Variants in TMC3 observed in about 807,000 individuals in gnomAD.
TMC3 encodes transmembrane channel like 3.
A neutral mutation model predicts 110.6 loss-of-function variants in TMC3; 98 were observed. That is an observed-to-expected ratio of 0.89 (90% CI 0.75 to 1.05). The LOEUF (loss-of-function observed/expected upper bound fraction) is 1.05. TMC3 is among the 50% of genes least tolerant of loss of function. The probability of loss-of-function intolerance (pLI) is 0.00; values close to 1 mark genes in which losing one functional copy is unlikely to be tolerated. For missense variants in TMC3, 1,319 were observed against 1,373.2 expected (o/e 0.96, Z 0.62); for synonymous variants, 489 against 513.1 (o/e 0.95, Z 0.63).
Position 81,345,016 on chromosome 15 carries a change from G to A in TMC3, c.1273-5C>T. On this transcript the variant is annotated splice_polypyrimidine_tract_variant and splice_region_variant and intron_variant, in intron 12 of 21. Coordinates refer to ENST00000359440, the MANE Select transcript of TMC3 (RefSeq NM_001080532.3). ...GTTATTTTTGGTAGCCATTTCCTGG[G>A]GAGAGAGAGAGAGAGAGAGAGGGAA... 1.4e-6 allele frequency: 2 copies of A among 1,392,144 alleles called. No individual in the cohort carries two copies. Among genetic ancestry groups the A allele is most frequent in the South Asian group, 2.6e-5 (2 of 75,918 alleles). The allele number at this position is 1,392,144 out of a possible 1,614,324, so 86.2% of individuals were successfully genotyped here.
intron 2 of TMC3, among the ~76,000 whole-genome samples, chr15:81,370,894 C>T (rs931838147): frequency 3.3e-5 from 5 of 152,042 alleles, no homozygotes; most frequent in Non-Finnish European, 5.9e-5. Flanking sequence ...AGGTGGGTCT[C>T]GATCTCCTGA....
rs556735383 is a variant in TMC3, at chr15:81,351,874, CA to C, written c.936-34del. On this transcript the variant is annotated intron_variant, in intron 9 of 21. Coordinates refer to ENST00000359440, the MANE Select transcript of TMC3 (RefSeq NM_001080532.3). ...GAGAAACAGGCATGAGAACGGTACACAGGGTCCTGCTCACAGCACCACGATG... is the reference window on the plus strand; with the variant it reads ...GAGAAACAGGCATGAGAACGGTACACGGGTCCTGCTCACAGCACCACGATG... 262 of 1,608,186 alleles carry C rather than the reference CA, an allele frequency of 1.6e-4. 1 individual carries two copies. The East Asian group carries it at 5.6e-3, about 34-fold the overall frequency.
In TMC3 at chr15:81,345,016, GGAGAGA is replaced by G. The variant is rs147678536; in HGVS notation, c.1273-11_1273-6del. On this transcript the variant is annotated splice_region_variant and splice_polypyrimidine_tract_variant and intron_variant, in intron 12 of 21. Coordinates refer to ENST00000359440, the MANE Select transcript of TMC3 (RefSeq NM_001080532.3). The stretch of plus-strand genomic sequence containing the variant: ...GTTATTTTTGGTAGCCATTTCCTGG[GGAGAGA>G]GAGAGAGAGAGAGAGGGAAGCAGGG... 5 of 1,391,906 alleles carry G rather than the reference GGAGAGA, an allele frequency of 3.6e-6. No individual in the cohort carries two copies. Among genetic ancestry groups the G allele is most frequent in the Non-Finnish European group, 2.0e-6 (2 of 1,021,722 alleles). The allele number at this position is 1,391,906 out of a possible 1,614,324, so 86.2% of individuals were successfully genotyped here. A position where few individuals can be genotyped will look rare whatever the true frequency, so the allele number is the denominator to read the frequency against.
intron 20 of TMC3, chr15:81,335,966 C>G (rs1893585045): frequency 6.6e-6 from 1 of 152,290 alleles, no homozygotes; most frequent in African/African-American, 2.4e-5. Context: ...AGGAAGTATA[C>G]AAAAGTGACC....
At chr15:81,341,736 T>C (rs1893721499) in intron 15 of TMC3, 1 of 345,080 alleles carries the variant, frequency 2.9e-6, no homozygotes, top group South Asian at 5.4e-5. Context: ...TTTAAAATAT[T>C]ATATTTGCAA....
Position 81,358,308 on chromosome 15 carries a change from CAG to C in TMC3, c.601-19_601-18del. On this transcript the variant is annotated intron_variant, in intron 6 of 21. Transcript: ENST00000359440. ...GAGGTAGCCCTGCAAAGAAAACACT[CAG>C]TGTCATTTCTGCTTCCCGTTCCCAG... 1 of 1,600,228 alleles carries C rather than the reference CAG, an allele frequency of 6.2e-7. No homozygotes were observed. The highest frequency in any genetic ancestry group is 2.2e-5 in the East Asian group (1 of 44,712).
chr15:81,346,145 C>T (rs1442871060), intron 12 of TMC3, among the ~76,000 whole-genome samples: 1 of 152,224 alleles, frequency 6.6e-6, no homozygotes, highest in Non-Finnish European at 1.5e-5. Flanking sequence ...AGCACCATCA[C>T]TTACTAGTCA....
intron 5 of TMC3, among the ~76,000 whole-genome samples, chr15:81,359,055 T>C (rs1039143297): frequency 6.6e-6 from 1 of 152,212 alleles, no homozygotes; most frequent in African/African-American, 2.4e-5. Flanking sequence ...CAAAATAATT[T>C]ATATAAAATT....
At position 81,339,604 on chromosome 15, in the gene TMC3, C is replaced by T. The variant is rs886969330; in HGVS notation, c.1845-100G>A. 17 of 861,276 alleles carry T rather than the reference C, an allele frequency of 2.0e-5. No homozygotes were observed. In the Admixed American group the frequency reaches 3.5e-4, roughly 18 times the overall value. The allele number at this position is 861,276 out of a possible 1,614,324, so 53.4% of individuals were successfully genotyped here. A position where few individuals can be genotyped will look rare whatever the true frequency, so the allele number is the denominator to read the frequency against. On this transcript the variant is annotated intron_variant, in intron 16 of 21. Transcript: ENST00000359440. ...TGCCACAGAAACGGTTGCCCTGACTCTTTGCAAACTAAAAATCCTCCTCTC... is the reference window on the plus strand; with the variant it reads ...TGCCACAGAAACGGTTGCCCTGACTTTTTGCAAACTAAAAATCCTCCTCTC...
intron 5 of TMC3, among the ~76,000 whole-genome samples, 188 bp downstream of exon 5, chr15:81,359,177 G>A (rs1453642860): frequency 2.6e-5 from 4 of 152,120 alleles, no homozygotes; most frequent in Non-Finnish European, 5.9e-5. Flanking sequence ...TCATTGTGAC[G>A]GACACCAAGT....
At position 81,338,592 on chromosome 15, in the gene TMC3, C is replaced by T; in HGVS notation, c.2081+63G>A. The stretch of plus-strand genomic sequence containing the variant: ...TAAATTTTATGTAATTATTGGAAAG[C>T]AGCGTTTTCTTGTTGGCCAAACACA... On this transcript the variant is annotated intron_variant, in intron 18 of 21. Transcript: ENST00000359440. 8 of 1,582,672 alleles carry T rather than the reference C, an allele frequency of 5.1e-6. No individual in the cohort carries two copies. The South Asian group carries it at 8.1e-5, about 16-fold the overall frequency.
chr15:81,360,619 TCGGGGGAAAGAGCCAGGGAAGGG>T (rs750446546), intron 4 of TMC3, among the ~76,000 whole-genome samples: 8 of 152,080 alleles, frequency 5.3e-5, no homozygotes, highest in Non-Finnish European at 8.8e-5. Context: ...TCAGGGAAGG[TCGGGGGAAAGAGCCAGGGAAGGG>T]CACGATCTTA....
intron 10 of TMC3, among the ~76,000 whole-genome samples, chr15:81,351,189 T>C (rs1009919759): frequency 1.3e-5 from 2 of 152,126 alleles, no homozygotes; most frequent in Admixed American, 6.5e-5. Flanking sequence ...CCAAAGGAGA[T>C]GAATAAAATT....
intron 3 of TMC3, among the ~76,000 whole-genome samples, chr15:81,363,124 G>A (rs1179079166): frequency 1.1e-4 from 16 of 152,044 alleles, no homozygotes; most frequent in African/African-American, 3.1e-4. Context: ...GTGTGGTGGC[G>A]TGCGCCTGTG....
Position 81,332,679 on chromosome 15 carries a change from G to A in TMC3, c.3043C>T (p.Arg1015Ter), listed in dbSNP as rs376608239. Residue 1015 changes from arginine to a stop codon, truncating the protein, a stop_gained, in exon 22 of 22, where the codon CGA (arginine) becomes TGA (stop). Coordinates refer to ENST00000359440, the MANE Select transcript of TMC3 (RefSeq NM_001080532.3). LOFTEE classifies it low-confidence loss of function (END_TRUNC). ...ERPAYVPRKP[R>*]SRNFQYPQPP... The stretch of plus-strand genomic sequence containing the variant: ...TGTGGGTATTGGAAATTCCGGGATC[G>A]TGGCTTTCTGGGCACATAGGCTGGC... 3.1e-6 allele frequency: 5 copies of A among 1,613,998 alleles called. No individual in the cohort carries two copies. The highest frequency in any genetic ancestry group is 2.2e-5 in the East Asian group (1 of 44,878).
In TMC3 at chr15:81,358,338, C is replaced by G. The variant is rs1229679200; in HGVS notation, c.601-47G>C. ...TCATTTCTGCTTCCCGTTCCCAGGT[C>G]TCAGAACTGTGGCCCATTCACCCCT... is the stretch of plus-strand genomic sequence containing the variant. On this transcript the variant is annotated intron_variant, in intron 6 of 21. Coordinates refer to ENST00000359440, the MANE Select transcript of TMC3 (RefSeq NM_001080532.3). 2.5e-6 allele frequency: 4 copies of G among 1,600,702 alleles called. No individual in the cohort carries two copies. The African/African-American group carries it at 5.4e-5, about 21-fold the overall frequency.
chr15:81,332,670 T>G lies in TMC3; in HGVS notation c.3052A>C (p.Asn1018His), dbSNP rs746558502. ...AYVPRKPRSRNFQYPQPPLKP... is the reference protein window; with the variant it reads ...AYVPRKPRSRHFQYPQPPLKP... Reference sequence around the variant, plus strand: ...AGAGGGGGCTGTGGGTATTGGAAATTCCGGGATCGTGGCTTTCTGGGCACA... The same window carrying G: ...AGAGGGGGCTGTGGGTATTGGAAATGCCGGGATCGTGGCTTTCTGGGCACA... The change falls in exon 22 of 22, where the codon AAT becomes CAT. Residue 1018 changes from asparagine to histidine, a missense_variant. Transcript: ENST00000359440. The G allele has an allele frequency of 1.2e-6, 2 of 1,613,970 alleles. No homozygotes were observed. The highest frequency in any genetic ancestry group is 4.5e-5 in the East Asian group (2 of 44,880).
chr15:81,339,889 A>G (rs919976084), intron 16 of TMC3, among the ~76,000 whole-genome samples: 4 of 152,132 alleles, frequency 2.6e-5, no homozygotes, highest in East Asian at 1.9e-4. Flanking sequence ...TCCCTCTCCT[A>G]TTCCCAGGCT....
In TMC3 at chr15:81,372,602, C is replaced by T. The variant is rs773833840; in HGVS notation, c.225G>A (p.Leu75=). The change falls in exon 2 of 22, where the codon CTG becomes CTA. Residue 75 remains leucine, a synonymous_variant. Coordinates refer to ENST00000359440, the MANE Select transcript of TMC3 (RefSeq NM_001080532.3). The part of the protein sequence containing the change: ...RCRPWTMGQK[L]RALRQAKNIV... ...ATTGAGGCCCTTACCTCAATGCCCT[C>T]AGCTTCTGTCCCATAGTCCAGGGTC... The T allele has an allele frequency of 4.3e-6, 7 of 1,613,548 alleles. No homozygotes were observed. The East Asian group carries it at 1.3e-4, about 31-fold the overall frequency.
Sources: gnomAD v4.1 joint callset for allele counts (sites outside exome capture counted in the v4.1 genomes callset) on GRCh38, gnomAD v4.1.1 for gene constraint, MANE v1.5 for transcripts, NCBI Gene and HGNC (gene_info 2026-07-23, HGNC 2026-07-21) for gene names.